UNC5C: variants seen among roughly 807,000 people sequenced by gnomAD.
UNC5C encodes netrin receptor UNC5C.
In UNC5C, 47 loss-of-function variants were observed where a neutral mutation model predicts 99.8. That is an observed-to-expected ratio of 0.47 (90% confidence interval 0.37 to 0.60). The LOEUF is 0.60. UNC5C is among the 20% of genes least tolerant of loss of function. The pLI is 0.00. For synonymous variants in UNC5C, 487 were observed against 452.2 expected, an observed-to-expected ratio of 1.08 and a Z score of -0.98; for missense variants, 1,062 against 1,165.9, an observed-to-expected ratio of 0.91 and a Z score of 1.30.
chr4:95,197,672 G>A (rs1437254637), intron 12 of UNC5C, among the ~76,000 whole-genome samples: 1 of 152,192 alleles, frequency 6.6e-6, no homozygotes, highest in East Asian at 1.9e-4. Flanking sequence ...CGTGGGAATC[G>A]GGTAAGTCAA....
At chr4:95,309,689 C>A (rs1742205762) in intron 2 of UNC5C, among the ~76,000 whole-genome samples, 1 of 152,104 alleles carries the variant, frequency 6.6e-6, no homozygotes, top group African/African-American at 2.4e-5. Flanking sequence ...TGTCCAACAT[C>A]ACTAATCCTC....
At chr4:95,483,021 TA>T (rs1437680231) in intron 1 of UNC5C, among the ~76,000 whole-genome samples, 3 of 141,022 alleles carry the variant, frequency 2.1e-5, no homozygotes, top group Non-Finnish European at 3.1e-5. Flanking sequence ...ATAATAATAA[TA>T]ATAATAATAA....
chr4:95,536,311 G>C (rs1722782097), intron 1 of UNC5C, among the ~76,000 whole-genome samples: 1 of 151,936 alleles, frequency 6.6e-6, no homozygotes, highest in Non-Finnish European at 1.5e-5. Context: ...CCTGACCTCA[G>C]GCGATCCACC....
chr4:95,504,258 C>T (rs1721852139), intron 1 of UNC5C, among the ~76,000 whole-genome samples: 1 of 152,042 alleles, frequency 6.6e-6, no homozygotes, highest in Non-Finnish European at 1.5e-5. Context: ...AGGGCTTCTG[C>T]CTCTTACTTA....
chr4:95,367,966 T>G (rs1375237729), intron 1 of UNC5C, among the ~76,000 whole-genome samples: 1 of 152,208 alleles, frequency 6.6e-6, no homozygotes, highest in Non-Finnish European at 1.5e-5. Flanking sequence ...AAATTCATTC[T>G]GATGAAAGAC....
chr4:95,230,919 G>T (rs935679429), intron 7 of UNC5C, among the ~76,000 whole-genome samples: 1 of 151,670 alleles, frequency 6.6e-6, no homozygotes, highest in Non-Finnish European at 1.5e-5. Flanking sequence ...TGTTTGTAAG[G>T]TTTTTTTTCT....
At position 95,546,210 on chromosome 4, in the gene UNC5C, A is replaced by G. The variant is rs186231990; in HGVS notation, c.124+2524T>C. Among the ~76,000 whole-genome samples the G allele has an allele frequency of 5.0e-3, 760 of 152,344 alleles. 8 individuals carry two copies. Among genetic ancestry groups the G allele is most frequent in the African/African-American group, 0.017 (724 of 41,572 alleles). On this transcript the variant is annotated intron_variant, in intron 1 of 15. Coordinates refer to ENST00000453304, the MANE Select transcript of UNC5C (RefSeq NM_003728.4). The stretch of plus-strand genomic sequence containing the variant: ...AATAGTTCATTTGGATCTTTAAGTC[A>G]TCACCACAAGGAAATCATACCTTGA...
chr4:95,298,146 C>A (rs911653054), intron 3 of UNC5C, among the ~76,000 whole-genome samples: 2 of 152,008 alleles, frequency 1.3e-5, no homozygotes, highest in Admixed American at 6.6e-5. Flanking sequence ...TACATCCCTA[C>A]AAAAAAATGC....
chr4:95,335,304 A>T, intron 2 of UNC5C, 106 bp downstream of exon 2: 1 of 1,103,854 alleles, frequency 9.1e-7, no homozygotes, highest in Non-Finnish European at 1.3e-6. Flanking sequence ...TTGTCAGAGA[A>T]TAACTCCATT....
intron 1 of UNC5C, among the ~76,000 whole-genome samples, chr4:95,492,936 C>T (rs1474475022): frequency 6.6e-6 from 1 of 151,380 alleles, no homozygotes; most frequent in African/African-American, 2.4e-5. Context: ...TAGTAAATAA[C>T]ATTTCTTTAA....
At chr4:95,535,358 T>A (rs1722747389) in intron 1 of UNC5C, among the ~76,000 whole-genome samples, 1 of 152,212 alleles carries the variant, frequency 6.6e-6, no homozygotes, top group Non-Finnish European at 1.5e-5. Context: ...CCTAATGGAA[T>A]GCAATTTTGT....
At chr4:95,526,822 AT>A (rs1445933544) in intron 1 of UNC5C, among the ~76,000 whole-genome samples, 1 of 152,076 alleles carries the variant, frequency 6.6e-6, no homozygotes, top group Non-Finnish European at 1.5e-5. Flanking sequence ...AAAAAAAATG[AT>A]TTTAACATGG....
At chr4:95,506,487 C>T in intron 1 of UNC5C, among the ~76,000 whole-genome samples, 1 of 151,914 alleles carries the variant, frequency 6.6e-6, no homozygotes, top group East Asian at 1.9e-4. Context: ...GTAATTTATC[C>T]TGTCACTCAC....
rs1736715664 is a variant in UNC5C at position 95,183,830 on chromosome 4, A to G, written c.2287-769T>C. On this transcript the variant is annotated intron_variant, in intron 13 of 15. Coordinates refer to ENST00000453304, the MANE Select transcript of UNC5C (RefSeq NM_003728.4). ...TTGATAACCTGGGGCAAATTACTTA[A>G]TCTTTCCATTGCTCAGTTTTCCTAT... Among the ~76,000 whole-genome samples the G allele has an allele frequency of 2.0e-5, 3 of 152,288 alleles. No individual in the cohort carries two copies. In the South Asian group the frequency reaches 6.2e-4, roughly 32 times the overall value.
At chr4:95,417,289 T>C (rs1746195695) in intron 1 of UNC5C, among the ~76,000 whole-genome samples, 1 of 152,230 alleles carries the variant, frequency 6.6e-6, no homozygotes, top group Non-Finnish European at 1.5e-5. Flanking sequence ...TTCACAGATA[T>C]TAGCCCCGTA....
intron 2 of UNC5C, among the ~76,000 whole-genome samples, chr4:95,326,196 C>G (rs1354559692): frequency 6.6e-6 from 1 of 152,010 alleles, no homozygotes; most frequent in East Asian, 1.9e-4. Context: ...GTAAGGTGCT[C>G]AGTATAAGGC....
chr4:95,492,262 G>A (rs1367816078), intron 1 of UNC5C, among the ~76,000 whole-genome samples: 2 of 151,234 alleles, frequency 1.3e-5, no homozygotes, highest in African/African-American at 4.8e-5. Flanking sequence ...GATTATGATA[G>A]CTCATAACTC....
intron 1 of UNC5C, among the ~76,000 whole-genome samples, chr4:95,461,677 C>T (rs1378116382): frequency 2.0e-5 from 3 of 152,130 alleles, no homozygotes; most frequent in Non-Finnish European, 4.4e-5. Context: ...CAACCCTGGG[C>T]TTGGGGCTTT....
chr4:95,493,874 TGATA>T (rs1721567242), intron 1 of UNC5C, among the ~76,000 whole-genome samples: 2 of 151,442 alleles, frequency 1.3e-5, no homozygotes, highest in South Asian at 2.1e-4. Flanking sequence ...TGAAGGCAAA[TGATA>T]GATAGGAAAT....
Sources: gnomAD v4.1 joint callset for allele counts (sites outside exome capture counted in the v4.1 genomes callset) on GRCh38, gnomAD v4.1.1 for gene constraint, MANE v1.5 for transcripts, NCBI Gene and HGNC (gene_info 2026-07-23, HGNC 2026-07-21) for gene names.